The following ARHGAP25 variants were observed in gnomAD, a reference collection of about 807,000 sequenced individuals.
ARHGAP25 encodes rho GTPase-activating protein 25.
Under a neutral mutation model 71.0 loss-of-function variants are expected in ARHGAP25, and 34 were observed. The ratio of observed to expected loss-of-function variants is 0.48; its 90% CI spans 0.36 to 0.64. The LOEUF (loss-of-function observed/expected upper bound fraction) is 0.64. ARHGAP25 is among the 30% of genes least tolerant of loss of function. ARHGAP25 has a pLI of 0.00. For synonymous variants in ARHGAP25, 282 were observed against 296.5 expected (o/e 0.95, Z 0.50); for missense variants, 706 against 805.1 (o/e 0.88, Z 1.49).
At chr2:68,803,381 T>A (rs889350395) in intron 4 of ARHGAP25, among the ~76,000 whole-genome samples, 6 of 152,136 alleles carry the variant, frequency 3.9e-5, no homozygotes, top group African/African-American at 1.4e-4. Context: ...AGTGAGCAGA[T>A]TTAGTGAAGA....
At chr2:68,711,001 TAGGTCATCCTATGTCA>T (rs1362814771) in intron 2 of ARHGAP25, among the ~76,000 whole-genome samples, 1 of 152,214 alleles carries the variant, frequency 6.6e-6, no homozygotes, top group Non-Finnish European at 1.5e-5. Flanking sequence ...CCTGGTTGTC[TAGGTCATCCTATGTCA>T]AACTTGAACT....
At chr2:68,761,142 G>C (rs1043039450) in intron 1 of ARHGAP25, among the ~76,000 whole-genome samples, 1 of 151,994 alleles carries the variant, frequency 6.6e-6, no homozygotes, top group African/African-American at 2.4e-5. Context: ...ATGGGGAAAA[G>C]ATTGTCTTTT....
In ARHGAP25 at chr2:68,819,252, G is replaced by A; in HGVS notation, c.1133G>A (p.Arg378Gln). The stretch of plus-strand genomic sequence containing the variant: ...GACCCCAAGAAAGCTCCAGTGGCCC[G>A]AAGCTCTGTAGGCTGGGATGCCACT... ...KNDPKKAPVARSSVGWDATED... is the reference protein window; with the variant it reads ...KNDPKKAPVAQSSVGWDATED... The change falls in exon 9 of 11, where the codon CGA becomes CAA. Residue 378 changes from arginine to glutamine, a missense_variant. By Grantham distance (43) the Arg-to-Gln change is conservative. Coordinates refer to ENST00000409202, the MANE Select transcript of ARHGAP25 (RefSeq NM_001007231.3). 6.2e-7 allele frequency: 1 copy of A among 1,614,120 alleles called. No individual in the cohort carries two copies. The highest frequency in any genetic ancestry group is 8.5e-7 in the Non-Finnish European group (1 of 1,180,024).
In ARHGAP25 at chr2:68,808,943, C is replaced by A. The variant is rs369197587; in HGVS notation, c.674+1463C>A. Among the ~76,000 whole-genome samples, 61 of 152,198 alleles carry A rather than the reference C, an allele frequency of 4.0e-4. No individual in the cohort carries two copies. The South Asian group carries it at 0.013, about 32-fold the overall frequency. On this transcript the variant is annotated intron_variant, in intron 5 of 10. Transcript: ENST00000409202. Reference sequence around the variant, plus strand: ...GAAGAAGGAAAATTACCTTACCTTGCGACATCTCCACCCCTAGAAGTGAGG... The same window carrying A: ...GAAGAAGGAAAATTACCTTACCTTGAGACATCTCCACCCCTAGAAGTGAGG...
chr2:68,766,186 C>T (rs570045564), intron 1 of ARHGAP25, among the ~76,000 whole-genome samples: 47 of 152,352 alleles, frequency 3.1e-4, no homozygotes, highest in African/African-American at 9.9e-4. Context: ...TAATGTAACA[C>T]ACCACTAGGG....
At chr2:68,819,488 T>G (rs1432710792) in intron 9 of ARHGAP25, 169 bp downstream of exon 9, 1 of 752,018 alleles carries the variant, frequency 1.3e-6, no homozygotes, top group Admixed American at 2.0e-5. Context: ...CTGGCCTCTT[T>G]CCAAATCTAG....
chr2:68,775,248 A>G lies in ARHGAP25; in HGVS notation c.89A>G (p.Glu30Gly). Residue 30 changes from glutamate to glycine, a missense_variant, in exon 2 of 11, where the codon GAG (glutamate) becomes GGG (glycine). By Grantham distance (98) the Glu-to-Gly change is moderately conservative (BLOSUM62 -2). Coordinates refer to ENST00000409202, the MANE Select transcript of ARHGAP25 (RefSeq NM_001007231.3). ...CGGTCAAGGAGTGTGATGACTGGCG[A>G]GCAGATGGCTGCCTTCCATCCATCG... ...IARSRSVMTG[E>G]QMAAFHPSST... 6.2e-7 allele frequency: 1 copy of G among 1,614,224 alleles called. No homozygotes were observed. Among genetic ancestry groups the G allele is most frequent in the East Asian group, 2.2e-5 (1 of 44,888 alleles).
chr2:68,820,199 C>T (rs897326069), intron 9 of ARHGAP25, among the ~76,000 whole-genome samples: 1 of 152,216 alleles, frequency 6.6e-6, no homozygotes, highest in Non-Finnish European at 1.5e-5. Context: ...GATCATCCCA[C>T]AGTCCTTGAG....
upstream of ARHGAP25, among the ~76,000 whole-genome samples, chr2:68,731,600 C>T (rs1341322660): frequency 6.6e-6 from 1 of 152,122 alleles, no homozygotes; most frequent in Admixed American, 6.5e-5. Context: ...TCTCCAGCTT[C>T]GTTTCTCCTC....
intron 3 of ARHGAP25, 35 bp from the exon 4 acceptor site, chr2:68,787,805 T>C (rs1324127787): frequency 6.4e-7 from 1 of 1,563,530 alleles, no homozygotes; most frequent in Non-Finnish European, 8.8e-7. Flanking sequence ...TTCTTATCAC[T>C]CTAAGACCTT....
At chr2:68,751,188 C>G (rs922966557) in intron 1 of ARHGAP25, among the ~76,000 whole-genome samples, 8 of 152,148 alleles carry the variant, frequency 5.3e-5, no homozygotes, top group Non-Finnish European at 1.0e-4. Flanking sequence ...CACGCTGAGC[C>G]CAGGGAGGGT....
In ARHGAP25 at chr2:68,734,838, A is replaced by C; in HGVS notation, c.-362A>C. The C allele has an allele frequency of 3.5e-6, 1 of 286,566 alleles. No individual in the cohort carries two copies. Among genetic ancestry groups the C allele is most frequent in the Non-Finnish European group, 6.6e-6 (1 of 151,430 alleles). The allele number at this position is 286,566 out of a possible 1,614,324, so 17.8% of individuals were successfully genotyped here. On this transcript the variant is annotated 5_prime_UTR_variant, in exon 1 of 11. Coordinates refer to ENST00000409202, the MANE Select transcript of ARHGAP25 (RefSeq NM_001007231.3). ...TTGTTTATCACGACCTCAACTCAGT[A>C]AGGCCTGAGATTCTTTCGAAAAGGA... is the stretch of plus-strand genomic sequence containing the variant.
chr2:68,822,674 C>A lies in ARHGAP25; in HGVS notation c.1535C>A (p.Ser512Tyr), dbSNP rs770468090. ...TYDNVPSLPG[S>Y]PGEEASALSS... ...GATAACGTCCCTTCCCTGCCAGGGT[C>A]CCCTGGGGAGGAAGCCAGTGCACTC... The change falls in exon 10 of 11, where the codon TCC becomes TAC. Residue 512 changes from serine (S) to tyrosine (Y), a missense_variant. Transcript: ENST00000409202. 6.2e-7 allele frequency: 1 copy of A among 1,614,124 alleles called. No homozygotes were observed. Among genetic ancestry groups the A allele is most frequent in the South Asian group, 1.1e-5 (1 of 91,080 alleles).
intron 3 of ARHGAP25, among the ~76,000 whole-genome samples, chr2:68,785,979 T>C (rs1262792695): frequency 9.4e-5 from 14 of 148,916 alleles, no homozygotes; most frequent in Non-Finnish European, 1.3e-4. Context: ...AAATATTTAC[T>C]TTTTTTTAGG....
chr2:68,821,937 A>G (rs1284063882), intron 9 of ARHGAP25, among the ~76,000 whole-genome samples: 2 of 78,180 alleles, frequency 2.6e-5, no homozygotes, highest in African/African-American at 5.5e-5. Context: ...TTGGTTTGGC[A>G]TGTGGTGATT....
At chr2:68,772,797 A>C (rs1677572714) in intron 1 of ARHGAP25, among the ~76,000 whole-genome samples, 1 of 152,252 alleles carries the variant, frequency 6.6e-6, no homozygotes, top group South Asian at 2.1e-4. Context: ...GAAGGCCTTG[A>C]AGATAGCAAG....
intron 10 of ARHGAP25, among the ~76,000 whole-genome samples, chr2:68,825,235 G>A (rs921079410): frequency 1.3e-5 from 2 of 152,058 alleles, no homozygotes; most frequent in Admixed American, 1.3e-4. Context: ...AATAAGAAAG[G>A]GTGCTGATCT....
chr2:68,735,322 T>C, intron 1 of ARHGAP25, 62 bp downstream of exon 1: 1 of 1,519,748 alleles, frequency 6.6e-7, no homozygotes, highest in Non-Finnish European at 9.1e-7. Flanking sequence ...ACCATTTGCA[T>C]GTTGGTCTGC....
intron 4 of ARHGAP25, among the ~76,000 whole-genome samples, chr2:68,800,578 T>C (rs1429495538): frequency 1.3e-5 from 2 of 152,124 alleles, no homozygotes; most frequent in East Asian, 3.9e-4. Flanking sequence ...GGTCTGGCAT[T>C]AGAGGAACTC....
Sources: allele counts gnomAD v4.1 joint callset (sites outside exome capture counted in the v4.1 genomes callset), GRCh38; gene constraint gnomAD v4.1.1; transcripts MANE v1.5; gene names NCBI Gene and HGNC (gene_info 2026-07-23, HGNC 2026-07-21).